Variants in TBCK observed in about 807,000 individuals in gnomAD.
TBCK encodes the protein TBC1 domain containing kinase.
In TBCK, 99 loss-of-function variants were observed where a neutral mutation model predicts 113.4. The ratio of observed to expected loss-of-function variants is 0.87; its 90% confidence interval spans 0.74 to 1.03. The LOEUF is 1.03. TBCK is among the 50% of genes least tolerant of loss of function. TBCK has a pLI of 0.00. For missense variants in TBCK, 1,045 were observed against 1,061.3 expected (o/e 0.98, Z 0.21); for synonymous variants, 369 against 370.8 (o/e 1.00, Z 0.05).
chr4:106,303,215 A>G (rs1161995743), intron 2 of TBCK, among the ~76,000 whole-genome samples: 1 of 152,194 alleles, frequency 6.6e-6, no homozygotes, highest in East Asian at 1.9e-4. Flanking sequence ...CACTAGGTAC[A>G]GGTCAAATCA....
chr4:106,219,871 C>T (rs765123510), intron 19 of TBCK, among the ~76,000 whole-genome samples: 6 of 152,012 alleles, frequency 3.9e-5, no homozygotes, highest in East Asian at 1.9e-4. Flanking sequence ...AAAACTTTTC[C>T]CTTCATAATC....
chr4:106,180,697 G>A (rs901389372), intron 22 of TBCK, among the ~76,000 whole-genome samples: 4 of 151,978 alleles, frequency 2.6e-5, no homozygotes, highest in African/African-American at 7.2e-5. Flanking sequence ...CCATGTCCCT[G>A]CAAAGGACAT....
chr4:106,191,618 G>A (rs1211802068), intron 22 of TBCK, among the ~76,000 whole-genome samples: 1 of 152,168 alleles, frequency 6.6e-6, no homozygotes, highest in African/African-American at 2.4e-5. Context: ...AATGCATTGA[G>A]ATGTTAGGAG....
intron 3 of TBCK, among the ~76,000 whole-genome samples, chr4:106,273,008 G>C (rs1401345231): frequency 6.6e-6 from 1 of 152,064 alleles, no homozygotes; most frequent in Non-Finnish European, 1.5e-5. Context: ...TAATAGCAAT[G>C]ATAAAGATAA....
At chr4:106,291,244 T>C (rs1560976019) in intron 3 of TBCK, among the ~76,000 whole-genome samples, 1 of 152,322 alleles carries the variant, frequency 6.6e-6, no homozygotes, top group East Asian at 1.9e-4. Flanking sequence ...CACTGCACAC[T>C]TGTCTTGGTC....
chr4:106,160,188 G>A (rs1338381783), intron 23 of TBCK, among the ~76,000 whole-genome samples: 1 of 151,920 alleles, frequency 6.6e-6, no homozygotes, highest in African/African-American at 2.4e-5. Flanking sequence ...AGAAAACATA[G>A]GGCAAAAGCT....
chr4:106,262,648 C>T (rs987241719), intron 3 of TBCK, among the ~76,000 whole-genome samples: 3 of 152,046 alleles, frequency 2.0e-5, no homozygotes, highest in Non-Finnish European at 4.4e-5. Context: ...TTATGGTATA[C>T]AAACACTAGC....
intron 5 of TBCK, among the ~76,000 whole-genome samples, chr4:106,252,622 A>G (rs1761560448): frequency 6.6e-6 from 1 of 151,782 alleles, no homozygotes; most frequent in Admixed American, 6.6e-5. Context: ...CTTTTTGAAA[A>G]CTCCCAATAA....
At chr4:106,156,169 G>T (rs1749099464) in intron 23 of TBCK, among the ~76,000 whole-genome samples, 1 of 152,124 alleles carries the variant, frequency 6.6e-6, no homozygotes, top group South Asian at 2.1e-4. Flanking sequence ...ATAAGATCCA[G>T]AATTCTCTGC....
In TBCK at chr4:106,271,266, C is replaced by T. The variant is rs76843407; in HGVS notation, c.267-9054G>A. Among the ~76,000 whole-genome samples the T allele has an allele frequency of 7.4e-3, 1,132 of 152,136 alleles. 36 individuals carry two copies. In the East Asian group the frequency reaches 0.11, roughly 15 times the overall value. ...AAGAAAAAGCTCTTATCCATATAATCCCATAATGACCCAGGAATACTGTGT... is the reference window on the plus strand; with the variant it reads ...AAGAAAAAGCTCTTATCCATATAATTCCATAATGACCCAGGAATACTGTGT... On this transcript the variant is annotated intron_variant, in intron 3 of 25. Transcript: ENST00000394708.
At chr4:106,256,328 C>T (rs1278548822) in intron 5 of TBCK, among the ~76,000 whole-genome samples, 1 of 152,172 alleles carries the variant, frequency 6.6e-6, no homozygotes, top group East Asian at 1.9e-4. Flanking sequence ...GGAGCGCCTG[C>T]CCGCCAGCAC....
chr4:106,315,147 C>G (rs952786669), intron 1 of TBCK, among the ~76,000 whole-genome samples: 12 of 151,910 alleles, frequency 7.9e-5, no homozygotes, highest in African/African-American at 2.7e-4. Context: ...GGAAAAAAAA[C>G]GTAGAGATGA....
chr4:106,140,361 T>C (rs148895565), intron 23 of TBCK, among the ~76,000 whole-genome samples: 2,315 of 141,336 alleles, frequency 0.016, 428 homozygotes, highest in Non-Finnish European at 0.028. Flanking sequence ...GCATTTTTCA[T>C]ATAAATAAAA....
chr4:106,247,320 A>G, intron 9 of TBCK, 33 bp from the exon 10 acceptor site: 1 of 1,597,944 alleles, frequency 6.3e-7, no homozygotes, highest in Non-Finnish European at 8.5e-7. Context: ...AGCATGAATG[A>G]AAGTCATAAA....
At chr4:106,206,561 C>G (rs1454125394) in intron 20 of TBCK, among the ~76,000 whole-genome samples, 1 of 152,052 alleles carries the variant, frequency 6.6e-6, no homozygotes. Context: ...CTATAACAGG[C>G]TAGTAGGACT....
intron 25 of TBCK, among the ~76,000 whole-genome samples, chr4:106,076,992 T>C (rs964189032): frequency 6.6e-6 from 1 of 152,074 alleles, no homozygotes; most frequent in African/African-American, 2.4e-5. Flanking sequence ...TAGTCCCAGC[T>C]ACTTAAGAGA....
rs796860189 is a variant in TBCK, at chr4:106,044,999, T to C, written c.*1571A>G. The C allele has an allele frequency of 2.0e-5, 3 of 149,304 alleles. No homozygotes were observed. Among genetic ancestry groups the C allele is most frequent in the African/African-American group, 7.4e-5 (3 of 40,274 alleles). 9.2% of individuals were successfully genotyped at this position (149,304 alleles called of 1,614,324 possible). ...TTGAAGATAATTAAAGGATATGCTA[T>C]ATTTCATATATATGAGGCATTTTTT... On this transcript the variant is annotated 3_prime_UTR_variant, in exon 26 of 26. Transcript: ENST00000394708.
At chr4:106,160,814 C>A (rs1749683517) in intron 23 of TBCK, among the ~76,000 whole-genome samples, 1 of 151,970 alleles carries the variant, frequency 6.6e-6, no homozygotes, top group Admixed American at 6.6e-5. Flanking sequence ...TATTTATACA[C>A]CCATGTTCAT....
At position 106,100,444 on chromosome 4, in the gene TBCK, T is replaced by C. The variant is rs568021501; in HGVS notation, c.2412-4803A>G. ...AATTTCCCTTTGTCAGCACACACTTTGAGAAAAGGGAAAGAAACAGCAACA... is the reference window on the plus strand; with the variant it reads ...AATTTCCCTTTGTCAGCACACACTTCGAGAAAAGGGAAAGAAACAGCAACA... On this transcript the variant is annotated intron_variant, in intron 24 of 25. Transcript: ENST00000394708. 2.0e-5 allele frequency among the ~76,000 whole-genome samples: 3 copies of C among 152,278 alleles called. No individual in the cohort carries two copies. The East Asian group carries it at 5.8e-4, about 29-fold the overall frequency.
Sources: gnomAD v4.1 joint callset for allele counts (sites outside exome capture counted in the v4.1 genomes callset) on GRCh38, gnomAD v4.1.1 for gene constraint, MANE v1.5 for transcripts, NCBI Gene and HGNC (gene_info 2026-07-23, HGNC 2026-07-21) for gene names.